GLYATL2: variants seen among roughly 807,000 people sequenced by gnomAD.
GLYATL2 encodes the protein glycine N-acyltransferase-like protein 2.
A neutral mutation model predicts 21.4 loss-of-function variants in GLYATL2; 25 were observed. That is an observed-to-expected ratio of 1.17 (90% CI 0.85 to 1.63). The LOEUF (loss-of-function observed/expected upper bound fraction) is 1.63. Among genes scored for constraint, GLYATL2 ranks in the 40% most tolerant of loss-of-function variants. GLYATL2 has a pLI of 0.00. For synonymous variants in GLYATL2, 114 were observed against 118.2 expected (o/e 0.96, Z 0.23); for missense variants, 361 against 343.3 (o/e 1.05, Z -0.41).
intron 1 of GLYATL2, among the ~76,000 whole-genome samples, chr11:58,875,973 G>A (rs191569075): frequency 9.7e-4 from 147 of 152,238 alleles, no homozygotes; most frequent in Non-Finnish European, 1.1e-3. Context: ...ATATTTCTTG[G>A]AGGCTTTGTT....
At chr11:58,838,929 G>T (rs1565088186) in intron 2 of GLYATL2, among the ~76,000 whole-genome samples, 3 of 152,148 alleles carry the variant, frequency 2.0e-5, no homozygotes, top group Non-Finnish European at 2.9e-5. Context: ...GGGTCTTGAT[G>T]AATATGTTAT....
At position 58,901,299 on chromosome 11, in the gene GLYATL2, T is replaced by A. The variant is rs146357069; in HGVS notation, n.60+2857A>T. On this transcript the variant is annotated intron_variant and non_coding_transcript_variant, in intron 1 of 4. Transcript: ENST00000533636. Reference sequence around the variant, plus strand: ...TCTCTACCGATGGAGCTCAGCGATATGTGTTTTGACCAGCTCACAATAAGA... The same window carrying A: ...TCTCTACCGATGGAGCTCAGCGATAAGTGTTTTGACCAGCTCACAATAAGA... Among the ~76,000 whole-genome samples the A allele has an allele frequency of 3.3e-5, 5 of 152,286 alleles. No homozygotes were observed. The East Asian group carries it at 7.7e-4, about 24-fold the overall frequency.
At chr11:58,875,729 C>T (rs1217005741) in intron 1 of GLYATL2, among the ~76,000 whole-genome samples, 1 of 152,094 alleles carries the variant, frequency 6.6e-6, no homozygotes, top group Non-Finnish European at 1.5e-5. Flanking sequence ...AACATTTTTT[C>T]CTTCATTTCA....
chr11:58,848,582 TATTC>T (rs565610526), upstream of GLYATL2, among the ~76,000 whole-genome samples: 111 of 152,348 alleles, frequency 7.3e-4, no homozygotes, highest in African/African-American at 2.4e-3. Context: ...CAGGGACCTT[TATTC>T]GCAGAATTAA....
upstream of GLYATL2, chr11:58,905,460 AG>A (rs1479001471): frequency 6.6e-6 from 3 of 456,078 alleles, no homozygotes; most frequent in African/African-American, 6.0e-5. Context: ...CACACACCGA[AG>A]CACCTTGGCG....
chr11:58,881,004 A>T (rs968846336), intron 1 of GLYATL2, among the ~76,000 whole-genome samples: 2 of 152,216 alleles, frequency 1.3e-5, no homozygotes, highest in Non-Finnish European at 2.9e-5. Context: ...TCCATGGTTT[A>T]CTTCTCTTAC....
At chr11:58,898,466 C>T (rs1854671133) in intron 1 of GLYATL2, among the ~76,000 whole-genome samples, 1 of 139,892 alleles carries the variant, frequency 7.1e-6, no homozygotes. Flanking sequence ...TTGTTTTTAA[C>T]TCACTATTGT....
intron 1 of GLYATL2, among the ~76,000 whole-genome samples, chr11:58,894,712 A>C (rs1208883678): frequency 6.6e-6 from 1 of 152,088 alleles, no homozygotes; most frequent in East Asian, 1.9e-4. Flanking sequence ...CTTTAAAAAA[A>C]ACTCCAATTC....
chr11:58,896,704 C>G lies in GLYATL2; in HGVS notation n.60+7452G>C, dbSNP rs1271272381. 1.8e-4 allele frequency among the ~76,000 whole-genome samples: 6 copies of G among 34,224 alleles called. No homozygotes were observed. In the East Asian group the frequency reaches 4.1e-3, roughly 23 times the overall value. The allele number at this position is 34,224 out of a possible 152,430, so 22.5% of individuals were successfully genotyped here. ...TCCTAGGCAACTTTCCACTTCTTAACTTCTGTCGTTTTCAAACTTAAACGT... is the reference window on the plus strand; with the variant it reads ...TCCTAGGCAACTTTCCACTTCTTAAGTTCTGTCGTTTTCAAACTTAAACGT... On this transcript the variant is annotated intron_variant and non_coding_transcript_variant, in intron 1 of 4. Coordinates refer to the GLYATL2 transcript ENST00000533636.
upstream of GLYATL2, among the ~76,000 whole-genome samples, chr11:58,905,069 CG>C (rs1040115286): frequency 6.6e-6 from 1 of 152,212 alleles, no homozygotes; most frequent in Non-Finnish European, 1.5e-5. Flanking sequence ...AGTCTTCATC[CG>C]AAGGGTAAAG....
chr11:58,849,643 C>G (rs1374341266), upstream of GLYATL2, among the ~76,000 whole-genome samples: 1 of 152,158 alleles, frequency 6.6e-6, no homozygotes, highest in African/African-American at 2.4e-5. Context: ...CCTACTCAAA[C>G]TGTTCTGAAA....
rs151066446 is a variant in GLYATL2, at chr11:58,900,706, G to C, written n.60+3450C>G. Among the ~76,000 whole-genome samples the C allele has an allele frequency of 1.3e-3, 193 of 152,284 alleles. 4 individuals carry two copies. In the East Asian group the frequency reaches 0.032, roughly 25 times the overall value. On this transcript the variant is annotated intron_variant and non_coding_transcript_variant, in intron 1 of 4. Transcript: ENST00000533636. ...CCGAAGCAACCTTGGACTAACAGGT[G>C]TATCTTCAGCCAACACATGTCCCAG...
At chr11:58,898,449 G>T (rs1246518981) in intron 1 of GLYATL2, among the ~76,000 whole-genome samples, 1 of 149,858 alleles carries the variant, frequency 6.7e-6, no homozygotes, top group African/African-American at 2.5e-5. Flanking sequence ...ACATAAAATT[G>T]GCCAGATTGT....
chr11:58,862,477 T>A (rs1424452345), intron 1 of GLYATL2, among the ~76,000 whole-genome samples: 1 of 152,198 alleles, frequency 6.6e-6, no homozygotes, highest in Admixed American at 6.5e-5. Context: ...ATAATTACCA[T>A]AGGATTTATT....
At chr11:58,886,615 A>G (rs1854445478) in intron 1 of GLYATL2, among the ~76,000 whole-genome samples, 1 of 152,228 alleles carries the variant, frequency 6.6e-6, no homozygotes, top group Non-Finnish European at 1.5e-5. Context: ...AATTTTAAAT[A>G]GTATCTACCA....
intron 1 of GLYATL2, among the ~76,000 whole-genome samples, chr11:58,867,730 A>T (rs1406566179): frequency 1.3e-5 from 2 of 148,972 alleles, no homozygotes; most frequent in African/African-American, 4.8e-5. Flanking sequence ...ACTGAGTATG[A>T]TGGGACTGAT....
upstream of GLYATL2, among the ~76,000 whole-genome samples, chr11:58,847,021 C>G (rs929811499): frequency 6.6e-6 from 1 of 152,034 alleles, no homozygotes; most frequent in Non-Finnish European, 1.5e-5. Flanking sequence ...GGATAAGGCA[C>G]CAAATAGAGT....
chr11:58,868,334 G>A (rs192831914), intron 1 of GLYATL2, among the ~76,000 whole-genome samples: 12 of 148,704 alleles, frequency 8.1e-5, no homozygotes, highest in Middle Eastern at 6.8e-3. Flanking sequence ...TCAAAGAATC[G>A]AAACTCACCA....
chr11:58,907,853 ATGT>A (rs1482451295), upstream of GLYATL2: 3 of 162,570 alleles, frequency 1.8e-5, no homozygotes, highest in African/African-American at 7.2e-5. Context: ...ACAAGGGCTA[ATGT>A]TGTCCCACTA....
Sources: allele counts gnomAD v4.1 joint callset (sites outside exome capture counted in the v4.1 genomes callset), GRCh38; gene constraint gnomAD v4.1.1; transcripts MANE v1.5; gene names NCBI Gene and HGNC (gene_info 2026-07-23, HGNC 2026-07-21).